Variants in INPP4B observed in about 807,000 individuals in gnomAD.
The protein encoded by INPP4B is inositol polyphosphate 4-phosphatase type II.
Under a neutral mutation model 122.5 loss-of-function variants are expected in INPP4B, and 55 were observed. That is an observed-to-expected ratio of 0.45 (90% CI 0.36 to 0.56). The LOEUF (loss-of-function observed/expected upper bound fraction) is 0.56. INPP4B is among the 20% of genes least tolerant of loss of function. The probability of loss-of-function intolerance (pLI) is 0.00; values close to 1 mark genes in which losing one functional copy is unlikely to be tolerated. For missense variants in INPP4B, 1,000 were observed against 1,097.7 expected (o/e 0.91, Z 1.26); for synonymous variants, 403 against 388.7 (o/e 1.04, Z -0.43).
At chr4:142,384,198 T>C (rs1183745681) in intron 7 of INPP4B, 2 of 692,340 alleles carry the variant, frequency 2.9e-6, no homozygotes, top group Non-Finnish European at 5.3e-6. Flanking sequence ...ACATGTGGGT[T>C]AAGACAAAAG....
intron 23 of INPP4B, among the ~76,000 whole-genome samples, chr4:142,090,751 G>C (rs1252096962): frequency 6.6e-6 from 1 of 151,382 alleles, no homozygotes; most frequent in Admixed American, 6.6e-5. Context: ...AGAGGTAAAA[G>C]TTACAAGAAT....
intron 1 of INPP4B, among the ~76,000 whole-genome samples, chr4:142,829,904 T>C (rs1283752173): frequency 6.6e-6 from 1 of 152,196 alleles, no homozygotes; most frequent in Non-Finnish European, 1.5e-5. Flanking sequence ...CAATAATATT[T>C]CTATATGCCA....
chr4:142,262,693 A>C (rs1277423724), intron 10 of INPP4B, among the ~76,000 whole-genome samples: 2 of 152,142 alleles, frequency 1.3e-5, no homozygotes, highest in Admixed American at 1.3e-4. Flanking sequence ...CTTAGAACTT[A>C]GTAGGTGATA....
At chr4:142,044,281 C>T (rs80166820) in intron 25 of INPP4B, among the ~76,000 whole-genome samples, 2,387 of 152,108 alleles carry the variant, frequency 0.016, 81 homozygotes, top group African/African-American at 0.055. Context: ...GTAGAGAATA[C>T]ATCACACAGA....
At chr4:142,427,546 A>T in intron 5 of INPP4B, 1 of 598,906 alleles carries the variant, frequency 1.7e-6, no homozygotes, top group Non-Finnish European at 3.0e-6. Context: ...CAGCATAGTT[A>T]GGTCTTTGAA....
At chr4:142,711,933 A>G (rs112828387) in intron 2 of INPP4B, among the ~76,000 whole-genome samples, 7,467 of 152,266 alleles carry the variant, frequency 0.049, 235 homozygotes, top group African/African-American at 0.082. Flanking sequence ...CTGTAGTTCC[A>G]GTTACTCAAA....
intron 2 of INPP4B, among the ~76,000 whole-genome samples, chr4:142,471,140 T>C (rs1443737398): frequency 1.3e-5 from 2 of 152,186 alleles, no homozygotes; most frequent in African/African-American, 4.8e-5. Context: ...TTACCTTTTT[T>C]AAGTCTGCTT....
chr4:142,168,329 A>G (rs1013234087), intron 16 of INPP4B, among the ~76,000 whole-genome samples: 1 of 151,220 alleles, frequency 6.6e-6, no homozygotes, highest in Non-Finnish European at 1.5e-5. Flanking sequence ...CTGGTCACGG[A>G]TCATATTTTC....
At chr4:142,489,102 T>C (rs2149773457) in intron 2 of INPP4B, among the ~76,000 whole-genome samples, 1 of 152,334 alleles carries the variant, frequency 6.6e-6, no homozygotes, top group South Asian at 2.1e-4. Context: ...CTGGGATTTC[T>C]TCTTTGACCC....
intron 7 of INPP4B, among the ~76,000 whole-genome samples, chr4:142,337,672 C>A (rs1439653611): frequency 2.0e-5 from 2 of 101,470 alleles, no homozygotes; most frequent in African/African-American, 5.6e-5. Context: ...ATCCTTTATT[C>A]ATTATATATA....
chr4:142,260,637 C>T lies in INPP4B; in HGVS notation c.616-73G>A. On this transcript the variant is annotated intron_variant, in intron 10 of 25. Coordinates refer to ENST00000262992, the MANE Select transcript of INPP4B (RefSeq NM_001101669.3). ...ATAAGGAATGATATTATTTTATTTG[C>T]AAAACATAAGGCTATGTACATGGTT... 3.0e-6 allele frequency: 3 copies of T among 1,015,222 alleles called. No individual in the cohort carries two copies. In the South Asian group the frequency reaches 4.4e-5, roughly 15 times the overall value. The allele number at this position is 1,015,222 out of a possible 1,614,324, so 62.9% of individuals were successfully genotyped here.
intron 12 of INPP4B, among the ~76,000 whole-genome samples, chr4:142,211,707 C>T (rs754119139): frequency 2.0e-5 from 3 of 152,180 alleles, no homozygotes; most frequent in Non-Finnish European, 4.4e-5. Context: ...CAGTTGCTTG[C>T]CATACTCTAT....
At chr4:142,332,818 C>A (rs1270581103) in intron 7 of INPP4B, among the ~76,000 whole-genome samples, 1 of 144,300 alleles carries the variant, frequency 6.9e-6, no homozygotes, top group Admixed American at 7.0e-5. Context: ...ACCTGGCTAA[C>A]AAGGCGAAAT....
intron 18 of INPP4B, among the ~76,000 whole-genome samples, chr4:142,134,862 C>A (rs1803244804): frequency 6.8e-6 from 1 of 147,658 alleles, no homozygotes; most frequent in Non-Finnish European, 1.5e-5. Context: ...TTTAAAGCTT[C>A]ATTCATTGAT....
intron 2 of INPP4B, among the ~76,000 whole-genome samples, chr4:142,548,689 T>A (rs1727231942): frequency 6.6e-6 from 1 of 152,076 alleles, no homozygotes; most frequent in Non-Finnish European, 1.5e-5. Flanking sequence ...AGATGACATG[T>A]CTTCAGAATA....
At chr4:142,519,912 T>G (rs1271816743) in intron 2 of INPP4B, among the ~76,000 whole-genome samples, 1 of 152,112 alleles carries the variant, frequency 6.6e-6, no homozygotes, top group East Asian at 1.9e-4. Context: ...GAATAATCTC[T>G]GTAATAGAAT....
intron 1 of INPP4B, among the ~76,000 whole-genome samples, chr4:142,742,067 T>C (rs532220667): frequency 2.6e-5 from 4 of 152,114 alleles, no homozygotes; most frequent in South Asian, 4.1e-4. Flanking sequence ...GAGATCTTCT[T>C]ACAGCCTGAA....
chr4:142,318,137 C>T (rs1274217767), intron 7 of INPP4B, among the ~76,000 whole-genome samples: 1 of 152,086 alleles, frequency 6.6e-6, no homozygotes, highest in Non-Finnish European at 1.5e-5. Flanking sequence ...ATAGACCCTA[C>T]AGATTGTTGT....
chr4:142,138,222 TC>T (rs1246076539), intron 18 of INPP4B, among the ~76,000 whole-genome samples: 1 of 151,826 alleles, frequency 6.6e-6, no homozygotes, highest in African/African-American at 2.4e-5. Context: ...AATGATGAGT[TC>T]ATGTCCTTTG....
Sources: allele counts gnomAD v4.1 joint callset (sites outside exome capture counted in the v4.1 genomes callset), GRCh38; gene constraint gnomAD v4.1.1; transcripts MANE v1.5; gene names NCBI Gene and HGNC (gene_info 2026-07-23, HGNC 2026-07-21).